CSMD3: variants seen among roughly 807,000 people sequenced by gnomAD.
CSMD3 encodes the protein CUB and Sushi multiple domains 3.
A neutral mutation model predicts 435.2 loss-of-function variants in CSMD3; 177 were observed. That is an observed-to-expected ratio of 0.41 (90% CI 0.36 to 0.46). The LOEUF is 0.46. CSMD3 is among the 20% of genes least tolerant of loss of function. The pLI, the probability that CSMD3 is intolerant of heterozygous loss-of-function variation, is 0.34. For missense variants in CSMD3, 4,265 were observed against 4,504.6 expected (o/e 0.95, Z 1.52); for synonymous variants, 1,656 against 1,520.5 (o/e 1.09, Z -2.07).
intron 1 of CSMD3, among the ~76,000 whole-genome samples, chr8:113,414,234 T>C (rs1272786634): frequency 1.3e-5 from 2 of 152,220 alleles, no homozygotes; most frequent in Admixed American, 1.3e-4. Flanking sequence ...GTTAATTCTG[T>C]TTAATGTTAA....
intron 1 of CSMD3, chr8:113,376,892 G>T: frequency 6.2e-7 from 1 of 1,604,298 alleles, no homozygotes; most frequent in Non-Finnish European, 8.5e-7. Context: ...CTTCCTGGCC[G>T]GGAAAACAAA....
chr8:112,501,262 A>T (rs117745467), intron 30 of CSMD3, among the ~76,000 whole-genome samples: 1 of 152,038 alleles, frequency 6.6e-6, no homozygotes, highest in East Asian at 1.9e-4. Flanking sequence ...GGCAATATAC[A>T]CCATAGTTAA....
At chr8:113,046,396 C>T (rs544100002) in intron 5 of CSMD3, among the ~76,000 whole-genome samples, 1 of 149,740 alleles carries the variant, frequency 6.7e-6, no homozygotes, top group African/African-American at 2.4e-5. Flanking sequence ...AATAAAAAAA[C>T]GCCTTATTTG....
intron 11 of CSMD3, among the ~76,000 whole-genome samples, chr8:112,841,744 G>A (rs2080183474): frequency 6.6e-6 from 1 of 151,642 alleles, no homozygotes. Flanking sequence ...GACTGAGAAT[G>A]TATAGGGTGG....
chr8:112,786,016 G>A (rs1487924677), intron 13 of CSMD3, among the ~76,000 whole-genome samples: 1 of 152,082 alleles, frequency 6.6e-6, no homozygotes, highest in East Asian at 1.9e-4. Context: ...CACATTACTT[G>A]ACTTCAAATT....
intron 27 of CSMD3, chr8:112,539,445 C>T (rs569998372): frequency 2.0e-5 from 3 of 151,936 alleles, no homozygotes; most frequent in African/African-American, 2.4e-5. Context: ...CAGAAAAGAA[C>T]GTGAATAACT....
intron 7 of CSMD3, among the ~76,000 whole-genome samples, chr8:112,960,428 T>C (rs1013077568): frequency 9.2e-5 from 14 of 151,816 alleles, no homozygotes; most frequent in African/African-American, 3.4e-4. Context: ...ATCTTATAAA[T>C]GTTTCTGTAG....
At chr8:112,979,779 G>A (rs899529893) in intron 6 of CSMD3, among the ~76,000 whole-genome samples, 1 of 151,202 alleles carries the variant, frequency 6.6e-6, no homozygotes, top group South Asian at 2.1e-4. Context: ...TATATACAAG[G>A]TGTAGCTTAT....
At position 112,408,432 on chromosome 8, in the gene CSMD3, A is replaced by C. The variant is rs1372926203; in HGVS notation, c.5510-19T>G. On this transcript the variant is annotated intron_variant, in intron 33 of 70. Coordinates refer to ENST00000297405, the MANE Select transcript of CSMD3 (RefSeq NM_198123.2). ...GATTCTCCTACTCAACAAAACAAAC[A>C]CTAAGATATCATAAATAATTTTCAT... 7.2e-7 allele frequency: 1 copy of C among 1,393,232 alleles called. No individual in the cohort carries two copies. The highest frequency in any genetic ancestry group is 1.0e-6 in the Non-Finnish European group (1 of 979,614). 86.3% of individuals were successfully genotyped at this position (1,393,232 alleles called of 1,614,324 possible).
chr8:112,561,050 AT>A (rs1204157128), intron 24 of CSMD3, among the ~76,000 whole-genome samples: 1 of 151,710 alleles, frequency 6.6e-6, no homozygotes, highest in African/African-American at 2.4e-5. Flanking sequence ...AATTTATAAT[AT>A]TTTGCATTGT....
At chr8:113,177,224 A>G (rs1043476545) in intron 3 of CSMD3, among the ~76,000 whole-genome samples, 13 of 151,682 alleles carry the variant, frequency 8.6e-5, no homozygotes, top group Non-Finnish European at 1.5e-5. Flanking sequence ...TGCAAAATAT[A>G]AAATAATTAT....
rs1564105862 is a variant in CSMD3, at chr8:112,920,987, A to AAG, written c.1633+639_1633+640insCT. Among the ~76,000 whole-genome samples, 2 of 118,548 alleles carry AAG rather than the reference A, an allele frequency of 1.7e-5. 1 individual carries two copies. Among genetic ancestry groups the AAG allele is most frequent in the African/African-American group, 7.5e-5 (2 of 26,684 alleles). 77.8% of individuals were successfully genotyped at this position (118,548 alleles called of 152,430 possible). ...TTTATATATATATATGTACACACATACGCGCGCGCGCACACACACACACAC... is the reference window on the plus strand; with the variant it reads ...TTTATATATATATATGTACACACATAAGCGCGCGCGCGCACACACACACACAC... On this transcript the variant is annotated intron_variant, in intron 10 of 70. Transcript: ENST00000297405.
At chr8:112,887,128 T>G (rs892261550) in intron 10 of CSMD3, among the ~76,000 whole-genome samples, 1 of 151,532 alleles carries the variant, frequency 6.6e-6, no homozygotes, top group African/African-American at 2.4e-5. Context: ...GAGATCAAAT[T>G]AATTTATACA....
intron 6 of CSMD3, among the ~76,000 whole-genome samples, chr8:112,985,557 C>T (rs1011983618): frequency 2.0e-5 from 3 of 152,120 alleles, no homozygotes; most frequent in Non-Finnish European, 2.9e-5. Context: ...CCCCAGGCCA[C>T]GGACTGGTAC....
At chr8:112,380,518 G>T in intron 37 of CSMD3, 62 bp from the exon 38 acceptor site, 1 of 878,188 alleles carries the variant, frequency 1.1e-6, no homozygotes, top group Non-Finnish European at 1.9e-6. Context: ...ATAAAATTAA[G>T]TAAGTTTACT....
intron 18 of CSMD3, among the ~76,000 whole-genome samples, chr8:112,654,839 G>A (rs2075217373): frequency 6.6e-6 from 1 of 152,292 alleles, no homozygotes; most frequent in East Asian, 1.9e-4. Context: ...TGGACTAAAA[G>A]AAAAGCTGCC....
intron 2 of CSMD3, among the ~76,000 whole-genome samples, chr8:113,304,914 T>TAAAAAAAAA (rs71281210): frequency 8.3e-6 from 1 of 119,778 alleles, no homozygotes; most frequent in African/African-American, 3.1e-5. Context: ...TAAAGTATAA[T>TAAAAAAAAA]AAAAAAAAAA....
At chr8:112,726,563 A>G (rs1420342464) in intron 13 of CSMD3, among the ~76,000 whole-genome samples, 1 of 151,880 alleles carries the variant, frequency 6.6e-6, no homozygotes, top group Non-Finnish European at 1.5e-5. Flanking sequence ...AGTATTAAGC[A>G]GAGTGTTAGG....
At chr8:112,403,717 C>T (rs539822548) in intron 35 of CSMD3, among the ~76,000 whole-genome samples, 1 of 151,942 alleles carries the variant, frequency 6.6e-6, no homozygotes, top group Admixed American at 6.6e-5. Flanking sequence ...TCTTAATACC[C>T]CCACATGGGG....
Sources: gnomAD v4.1 joint callset for allele counts (sites outside exome capture counted in the v4.1 genomes callset) on GRCh38, gnomAD v4.1.1 for gene constraint, MANE v1.5 for transcripts, NCBI Gene and HGNC (gene_info 2026-07-23, HGNC 2026-07-21) for gene names.